PAX5: variants seen among roughly 807,000 people sequenced by gnomAD.
PAX5 encodes paired box protein Pax-5.
In PAX5, 9 loss-of-function variants were observed where a neutral mutation model predicts 43.7. The ratio of observed to expected loss-of-function variants is 0.21; its 90% CI spans 0.12 to 0.36. PAX5 has a LOEUF of 0.36. PAX5 is among the 10% of genes least tolerant of loss of function. PAX5 has a pLI of 1.00. For synonymous variants in PAX5, 228 were observed against 214.3 expected (o/e 1.06, Z -0.56); for missense variants, 383 against 532.7 (o/e 0.72, Z 2.77).
At chr9:36,991,995 T>C (rs1168544713) in intron 5 of PAX5, among the ~76,000 whole-genome samples, 2 of 152,232 alleles carry the variant, frequency 1.3e-5, no homozygotes. Flanking sequence ...TCCCACAGTT[T>C]ATTCTAACAC....
intron 4 of PAX5, among the ~76,000 whole-genome samples, chr9:37,004,044 T>C (rs761118013): frequency 6.6e-6 from 1 of 152,254 alleles, no homozygotes; most frequent in Non-Finnish European, 1.5e-5. Context: ...AAACTGAGGC[T>C]CCACAGGGAA....
At chr9:36,855,658 A>G (rs1311193860) in intron 8 of PAX5, among the ~76,000 whole-genome samples, 1 of 152,084 alleles carries the variant, frequency 6.6e-6, no homozygotes, top group East Asian at 1.9e-4. Context: ...GTGGCGGTCA[A>G]GGCCCTTCAG....
intron 7 of PAX5, among the ~76,000 whole-genome samples, chr9:36,912,650 C>A (rs1046123192): frequency 2.0e-5 from 3 of 152,166 alleles, no homozygotes; most frequent in Non-Finnish European, 4.4e-5. Context: ...TTGTCCTCAG[C>A]CTCCCCAGCT....
chr9:36,944,655 ACCC>A (rs1360466259), intron 6 of PAX5, among the ~76,000 whole-genome samples: 2 of 151,804 alleles, frequency 1.3e-5, no homozygotes, highest in African/African-American at 4.8e-5. Context: ...TCTCCCCAAA[ACCC>A]CCCTAAAGAG....
intron 5 of PAX5, among the ~76,000 whole-genome samples, chr9:36,985,271 AGGTGCCTGCCACACACTCATCACACG>A (rs1836296264): frequency 6.6e-6 from 1 of 152,228 alleles, no homozygotes; most frequent in Admixed American, 6.5e-5. Context: ...AGCACATAGC[AGGTGCCTGCCACACACTCATCACACG>A]GGTTACATTA....
At chr9:36,980,863 C>T (rs559060886) in intron 5 of PAX5, among the ~76,000 whole-genome samples, 55 of 152,202 alleles carry the variant, frequency 3.6e-4, no homozygotes, top group Admixed American at 1.3e-3. Context: ...AGGCTGCTGT[C>T]TACTCCCACT....
intron 8 of PAX5, among the ~76,000 whole-genome samples, chr9:36,851,618 T>G (rs1306528953): frequency 6.6e-6 from 1 of 152,214 alleles, no homozygotes; most frequent in Non-Finnish European, 1.5e-5. Flanking sequence ...AATGAGGGTT[T>G]GAATCAATTT....
chr9:36,883,913 A>G (rs1405595655), intron 7 of PAX5, among the ~76,000 whole-genome samples: 5 of 152,218 alleles, frequency 3.3e-5, no homozygotes, highest in African/African-American at 1.2e-4. Context: ...ATTTTCTAGG[A>G]AAATATGAAT....
chr9:36,940,633 C>T (rs1415645676), intron 6 of PAX5, among the ~76,000 whole-genome samples: 1 of 151,974 alleles, frequency 6.6e-6, no homozygotes, highest in East Asian at 1.9e-4. Context: ...TAGAAGTGGA[C>T]ACCAGGATGT....
chr9:36,933,336 G>C (rs1019301011), intron 6 of PAX5, among the ~76,000 whole-genome samples: 1 of 152,120 alleles, frequency 6.6e-6, no homozygotes, highest in Non-Finnish European at 1.5e-5. Flanking sequence ...CCTCTTCCTG[G>C]TGCCCTGCCC....
At chr9:36,924,708 A>T (rs940573419) in intron 6 of PAX5, among the ~76,000 whole-genome samples, 1 of 138,694 alleles carries the variant, frequency 7.2e-6, no homozygotes, top group Non-Finnish European at 1.5e-5. Flanking sequence ...TGACAGAGCA[A>T]GACTCTGTCA....
chr9:36,978,543 A>G (rs1835645960), intron 5 of PAX5, among the ~76,000 whole-genome samples: 1 of 152,074 alleles, frequency 6.6e-6, no homozygotes, highest in African/African-American at 2.4e-5. Context: ...TAAAAATCAT[A>G]TTTACTCTGA....
In PAX5 at chr9:36,837,680, G is replaced by A. The variant is rs562067512; in HGVS notation, c.*2880C>T. 12 of 233,350 alleles carry A rather than the reference G, an allele frequency of 5.1e-5. No homozygotes were observed. The South Asian group carries it at 9.0e-4, about 18-fold the overall frequency. The allele number at this position is 233,350 out of a possible 1,614,324, so 14.5% of individuals were successfully genotyped here. Reference sequence around the variant, plus strand: ...AGAACATCCGTGTGCATCCATGTGCGCTTGTGCTTCCGCCTGGCAGCCCAG... The same window carrying A: ...AGAACATCCGTGTGCATCCATGTGCACTTGTGCTTCCGCCTGGCAGCCCAG... On this transcript the variant is annotated 3_prime_UTR_variant, in exon 10 of 10. Transcript: ENST00000358127.
rs142103473 is a variant in PAX5, at chr9:36,987,823, G to A, written c.604+14825C>T. Among the ~76,000 whole-genome samples, 655 of 152,336 alleles carry A rather than the reference G, an allele frequency of 4.3e-3. 2 individuals carry two copies. The highest frequency in any genetic ancestry group is 7.0e-3 in the Non-Finnish European group (474 of 68,036). ...TTTCGCCCATTGTCTCTGCCTCTCT[G>A]CCTGCCTGCCTGCCTCCTTAAGGTT... On this transcript the variant is annotated intron_variant, in intron 5 of 9. Transcript: ENST00000358127.
At chr9:36,913,077 T>G (rs7868521) in intron 7 of PAX5, among the ~76,000 whole-genome samples, 102,538 of 152,184 alleles carry the variant, frequency 0.67, 35,026 homozygotes, top group East Asian at 0.86. Flanking sequence ...GGACTTTCTT[T>G]GGCTGCCAAG....
chr9:36,864,871 C>T (rs908387131), intron 8 of PAX5, among the ~76,000 whole-genome samples: 1 of 152,180 alleles, frequency 6.6e-6, no homozygotes, highest in Non-Finnish European at 1.5e-5. Context: ...GAGACGAGGC[C>T]AGAGAGGCGC....
chr9:36,942,810 G>A (rs949121568), intron 6 of PAX5, among the ~76,000 whole-genome samples: 1 of 152,242 alleles, frequency 6.6e-6, no homozygotes, highest in Non-Finnish European at 1.5e-5. Flanking sequence ...AGTTGCTAGA[G>A]GTTGTGGGGC....
rs114649606 is a variant in PAX5 at position 36,835,288 on chromosome 9, C to T, written c.*5272G>A. 9.6e-4 allele frequency: 223 copies of T among 233,060 alleles called. 1 individual carries two copies. The highest frequency in any genetic ancestry group is 4.3e-3 in the African/African-American group (196 of 45,440). 14.4% of individuals were successfully genotyped at this position (233,060 alleles called of 1,614,324 possible). A position where few individuals can be genotyped will look rare whatever the true frequency, so the allele number is the denominator to read the frequency against. ...AGGTTCCCTTCAATCCTGGGGTGCC[C>T]AGGAACGGAGCCTCAGTGCTGAGGA... On this transcript the variant is annotated 3_prime_UTR_variant, in exon 10 of 10. Transcript: ENST00000358127.
Position 36,837,222 on chromosome 9 carries a change from A to C in PAX5, c.*3338T>G, listed in dbSNP as rs139933972. On this transcript the variant is annotated 3_prime_UTR_variant, in exon 10 of 10. Coordinates refer to ENST00000358127, the MANE Select transcript of PAX5 (RefSeq NM_016734.3). ...TGTTGCCGTGAGAGCCCCAAATGTC[A>C]ATTTCCCCGTCTATAAAGTAGGCAT... 6.1e-4 allele frequency: 141 copies of C among 232,992 alleles called. No homozygotes were observed. The highest frequency in any genetic ancestry group is 3.0e-3 in the African/African-American group (138 of 45,378). 14.4% of individuals were successfully genotyped at this position (232,992 alleles called of 1,614,324 possible). A position where few individuals can be genotyped will look rare whatever the true frequency, so the allele number is the denominator to read the frequency against.
Sources: gnomAD v4.1 joint callset for allele counts (sites outside exome capture counted in the v4.1 genomes callset) on GRCh38, gnomAD v4.1.1 for gene constraint, MANE v1.5 for transcripts, NCBI Gene and HGNC (gene_info 2026-07-23, HGNC 2026-07-21) for gene names.